The following CSMD1 variants were observed in gnomAD, a reference collection of about 807,000 sequenced individuals.
CSMD1 encodes the protein CUB and Sushi multiple domains 1.
CSMD1 carries 213 observed loss-of-function variants against 417.5 expected under a neutral mutation model. The observed-to-expected ratio is 0.51, with a 90% confidence interval of 0.46 to 0.57. CSMD1 has a LOEUF of 0.57. Among genes scored for constraint, CSMD1 ranks in the 20% least tolerant of loss-of-function variants. The pLI is 0.00. For missense variants in CSMD1, 6,923 were observed against 4,529.7 expected (o/e 1.53, Z -15.17); for synonymous variants, 2,862 against 1,736.8 (o/e 1.65, Z -16.11).
chr8:4,081,336 G>A (rs975269267), intron 3 of CSMD1, among the ~76,000 whole-genome samples: 1 of 152,166 alleles, frequency 6.6e-6, no homozygotes, highest in East Asian at 1.9e-4. Flanking sequence ...AGGTTTGATA[G>A]GGTTAAACAA....
intron 1 of CSMD1, among the ~76,000 whole-genome samples, chr8:4,778,922 A>G (rs974425030): frequency 2.0e-5 from 3 of 152,226 alleles, no homozygotes; most frequent in African/African-American, 7.2e-5. Context: ...ATATGGAAGC[A>G]ACCTGCTTAT....
chr8:4,068,830 C>G (rs968626880), intron 3 of CSMD1, among the ~76,000 whole-genome samples: 27 of 152,246 alleles, frequency 1.8e-4, no homozygotes, highest in South Asian at 2.1e-4. Flanking sequence ...CAGTGACATT[C>G]ATGTACTGTA....
chr8:3,935,103 A>G (rs1810393409), intron 5 of CSMD1, among the ~76,000 whole-genome samples: 1 of 152,162 alleles, frequency 6.6e-6, no homozygotes, highest in Non-Finnish European at 1.5e-5. Context: ...TTAAAACAAC[A>G]TGCCTTCTCA....
intron 3 of CSMD1, among the ~76,000 whole-genome samples, chr8:4,243,655 ATG>A (rs1247476464): frequency 1.3e-5 from 2 of 152,172 alleles, no homozygotes; most frequent in African/African-American, 4.8e-5. Flanking sequence ...CTTAAAACAC[ATG>A]TGTGATATTG....
intron 30 of CSMD1, among the ~76,000 whole-genome samples, chr8:3,214,169 A>AGAGG (rs1322844112): frequency 6.6e-6 from 1 of 151,998 alleles, no homozygotes; most frequent in African/African-American, 2.4e-5. Flanking sequence ...ATATATGGAG[A>AGAGG]GAGAGAGAGA....
intron 1 of CSMD1, among the ~76,000 whole-genome samples, chr8:4,982,548 A>G (rs1033002492): frequency 3.9e-5 from 6 of 152,228 alleles, no homozygotes; most frequent in Non-Finnish European, 5.9e-5. Context: ...ACAGTAAATG[A>G]CACCACATCT....
chr8:4,046,148 CAT>C (rs1158195441), intron 3 of CSMD1, among the ~76,000 whole-genome samples: 1 of 151,836 alleles, frequency 6.6e-6, no homozygotes, highest in East Asian at 1.9e-4. Flanking sequence ...TATTATGTAT[CAT>C]AAATTTATAT....
intron 6 of CSMD1, among the ~76,000 whole-genome samples, chr8:3,713,074 A>G (rs946091019): frequency 6.6e-6 from 1 of 152,236 alleles, no homozygotes; most frequent in Admixed American, 6.5e-5. Flanking sequence ...CTTGAAATAA[A>G]TATGACGAAT....
In CSMD1 at chr8:3,190,037, G is replaced by A; in HGVS notation, c.5273C>T (p.Ser1758Phe). The A allele has an allele frequency of 6.3e-7, 1 of 1,594,900 alleles. No homozygotes were observed. Among genetic ancestry groups the A allele is most frequent in the Non-Finnish European group, 8.5e-7 (1 of 1,170,874 alleles). The change falls in exon 34 of 70, where the codon TCT (serine) becomes TTT (phenylalanine). Residue 1758 changes from serine (S) to phenylalanine (F), a missense_variant. Physicochemically the swap from Ser to Phe is radical, Grantham distance 155 (BLOSUM62 -2). Transcript: ENST00000635120. Reference protein sequence around the residue: ...RYGRRIGSEFSAGSIVRFECN... With the variant: ...RYGRRIGSEFFAGSIVRFECN... ...CTCGAATCGGACGATGGAGCCGGCAGAAAACTCAGAACCAATTCTCCTTCC... is the reference window on the plus strand; with the variant it reads ...CTCGAATCGGACGATGGAGCCGGCAAAAAACTCAGAACCAATTCTCCTTCC...
At chr8:3,774,697 A>C (rs993651836) in intron 5 of CSMD1, among the ~76,000 whole-genome samples, 3 of 152,160 alleles carry the variant, frequency 2.0e-5, no homozygotes, top group Non-Finnish European at 4.4e-5. Context: ...GCTAAGTGCA[A>C]AGGAATAACT....
At chr8:3,907,853 G>A (rs1253238894) in intron 5 of CSMD1, among the ~76,000 whole-genome samples, 1 of 152,142 alleles carries the variant, frequency 6.6e-6, no homozygotes, top group Non-Finnish European at 1.5e-5. Flanking sequence ...TCTGTGCTCT[G>A]CGGTCCAGGC....
intron 68 of CSMD1, among the ~76,000 whole-genome samples, chr8:2,945,646 C>T (rs1219770750): frequency 6.6e-6 from 1 of 152,166 alleles, no homozygotes; most frequent in Non-Finnish European, 1.5e-5. Flanking sequence ...CGAGGGTCTT[C>T]ACAATAACAC....
Position 3,087,248 on chromosome 8 carries a change from C to T in CSMD1, c.7323G>A (p.Gly2441=), listed in dbSNP as rs747965580. Residue 2441 remains glycine (G), a synonymous_variant, in exon 49 of 70, where the codon GGG becomes GGA. Transcript: ENST00000635120. ...CTCCTGCAGTCCTGTTTAGAATACC[C>T]CCATTCTTCAGGGGGTGGGTCAAAC... The part of the protein sequence containing the change: ...YCSLTHPLKN[G]GILNRTAGAV... 1.1e-5 allele frequency: 18 copies of T among 1,613,826 alleles called. No individual in the cohort carries two copies. The highest frequency in any genetic ancestry group is 2.7e-5 in the African/African-American group (2 of 74,914).
chr8:3,695,968 G>A (rs937902329), intron 7 of CSMD1, among the ~76,000 whole-genome samples: 2 of 152,166 alleles, frequency 1.3e-5, no homozygotes, highest in Non-Finnish European at 2.9e-5. Context: ...TACACTTGAA[G>A]ATATGGGATA....
chr8:4,118,044 A>C (rs2130932163), intron 3 of CSMD1, among the ~76,000 whole-genome samples: 1 of 152,116 alleles, frequency 6.6e-6, no homozygotes, highest in Non-Finnish European at 1.5e-5. Flanking sequence ...CTTAGTCATC[A>C]GGGAACAATG....
chr8:4,117,013 A>C (rs1043161648), intron 3 of CSMD1, among the ~76,000 whole-genome samples: 1 of 151,812 alleles, frequency 6.6e-6, no homozygotes, highest in Non-Finnish European at 1.5e-5. Context: ...CCTGACGCTT[A>C]ACCTTTTTTT....
At chr8:4,957,075 G>C (rs534216153) in intron 1 of CSMD1, among the ~76,000 whole-genome samples, 9 of 152,344 alleles carry the variant, frequency 5.9e-5, no homozygotes, top group African/African-American at 1.9e-4. Flanking sequence ...ACTGTTGCCA[G>C]ATATGCTAGA....
chr8:2,997,994 C>A lies in CSMD1; in HGVS notation c.8377+17G>T, dbSNP rs748514139. On this transcript the variant is annotated intron_variant, in intron 54 of 69. Transcript: ENST00000635120. Reference sequence around the variant, plus strand: ...CACTCTCAGAGCAAAGGGCTCATTCCTGGATGCTGTTCCTACCTCGACACG... The same window carrying A: ...CACTCTCAGAGCAAAGGGCTCATTCATGGATGCTGTTCCTACCTCGACACG... 1 of 1,609,936 alleles carries A rather than the reference C, an allele frequency of 6.2e-7. No homozygotes were observed. Among genetic ancestry groups the A allele is most frequent in the Non-Finnish European group, 8.5e-7 (1 of 1,177,796 alleles).
At chr8:4,305,059 T>G (rs1333686636) in intron 3 of CSMD1, among the ~76,000 whole-genome samples, 2 of 152,194 alleles carry the variant, frequency 1.3e-5, no homozygotes, top group Non-Finnish European at 1.5e-5. Flanking sequence ...CACAGGCACC[T>G]ATTCGTTTTA....
Sources: gnomAD v4.1 joint callset for allele counts (sites outside exome capture counted in the v4.1 genomes callset) on GRCh38, gnomAD v4.1.1 for gene constraint, MANE v1.5 for transcripts, NCBI Gene and HGNC (gene_info 2026-07-23, HGNC 2026-07-21) for gene names.